The following NECTIN3 variants were observed in gnomAD, a reference collection of about 807,000 sequenced individuals.
NECTIN3 encodes the protein nectin-3.
Under a neutral mutation model 49.4 loss-of-function variants are expected in NECTIN3, and 8 were observed. That is an observed-to-expected ratio of 0.16 (90% CI 0.10 to 0.29). NECTIN3 has a LOEUF of 0.29. Ranked by LOEUF, NECTIN3 falls within the 10% of genes least tolerant of loss-of-function variation. The pLI, the probability that NECTIN3 is intolerant of heterozygous loss-of-function variation, is 1.00. For missense variants in NECTIN3, 581 were observed against 654.6 expected (o/e 0.89, Z 1.23); for synonymous variants, 277 against 241.1 (o/e 1.15, Z -1.38).
chr3:111,126,396 C>T (rs1224785430), intron 5 of NECTIN3, 61 bp downstream of exon 5: 3 of 1,332,572 alleles, frequency 2.3e-6, no homozygotes, highest in Admixed American at 4.1e-5. Context: ...ATCATAGTAA[C>T]AATATGATCC....
chr3:111,184,039 C>A (rs560687565), intron 7 of NECTIN3, among the ~76,000 whole-genome samples: 9 of 152,070 alleles, frequency 5.9e-5, no homozygotes, highest in Non-Finnish European at 1.2e-4. Context: ...ATTTTTTCAG[C>A]CTTTTTTCCC....
intron 1 of NECTIN3, chr3:111,072,667 A>C (rs1576056167): frequency 1.6e-6 from 2 of 1,260,956 alleles, no homozygotes. Context: ...ATTTTAGCCC[A>C]CCCAGCCGCA....
At position 111,111,885 on chromosome 3, in the gene NECTIN3, GTGTGTGTGTGTGCA is replaced by G. The variant is rs1297666362; in HGVS notation, c.161-132_161-119del. The stretch of plus-strand genomic sequence containing the variant: ...TTGTGTGTGGTGCGTGTGAGTGCAT[GTGTGTGTGTGTGCA>G]TGTGTGTGTGTGTGTGTGTGTGTGT... On this transcript the variant is annotated intron_variant, in intron 1 of 5. Coordinates refer to ENST00000485303, the MANE Select transcript of NECTIN3 (RefSeq NM_015480.3). 18 of 464,172 alleles carry G rather than the reference GTGTGTGTGTGTGCA, an allele frequency of 3.9e-5. No individual in the cohort carries two copies. In the African/African-American group the frequency reaches 4.0e-4, roughly 10 times the overall value. The allele number at this position is 464,172 out of a possible 1,614,324, so 28.8% of individuals were successfully genotyped here.
intron 7 of NECTIN3, among the ~76,000 whole-genome samples, chr3:111,162,018 C>T (rs2035222094): frequency 6.6e-6 from 1 of 152,134 alleles, no homozygotes; most frequent in Admixed American, 6.6e-5. Context: ...TGTATACACA[C>T]ATTTTAAGTC....
chr3:111,161,854 T>G (rs1167790841), intron 7 of NECTIN3, among the ~76,000 whole-genome samples: 1 of 152,170 alleles, frequency 6.6e-6, no homozygotes, highest in Non-Finnish European at 1.5e-5. Context: ...GCATTTGGAT[T>G]GTTTCTTCTA....
intron 1 of NECTIN3, among the ~76,000 whole-genome samples, chr3:111,091,542 C>G (rs2032273575): frequency 6.6e-6 from 1 of 152,224 alleles, no homozygotes; most frequent in African/African-American, 2.4e-5. Context: ...GCGTGAGCCA[C>G]TGCACCCGGC....
At chr3:111,173,588 CA>C (rs1304720558) in intron 7 of NECTIN3, among the ~76,000 whole-genome samples, 1 of 152,178 alleles carries the variant, frequency 6.6e-6, no homozygotes, top group African/African-American at 2.4e-5. Context: ...TTCCTTTCTT[CA>C]GTTGAGCTGG....
At chr3:111,084,130 T>TA (rs2031791485) in intron 1 of NECTIN3, among the ~76,000 whole-genome samples, 1 of 152,102 alleles carries the variant, frequency 6.6e-6, no homozygotes, top group Admixed American at 6.5e-5. Flanking sequence ...CACTTCTTTC[T>TA]ACTAAATAGG....
rs1431642918 is a variant in NECTIN3, at chr3:111,193,191, A to T, written c.63+778A>T. ...GCTCTGCTAATGTAAGCAATGTTTG[A>T]ATTTTTAGAATGGACTAAATAGCAG... On this transcript the variant is annotated intron_variant, in intron 1 of 1. Transcript: ENST00000485506. 4 of 1,533,786 alleles carry T rather than the reference A, an allele frequency of 2.6e-6. No homozygotes were observed. In the East Asian group the frequency reaches 9.8e-5, roughly 38 times the overall value.
upstream of NECTIN3, among the ~76,000 whole-genome samples, chr3:111,187,505 T>C (rs768143213): frequency 2.0e-5 from 3 of 152,192 alleles, no homozygotes; most frequent in Non-Finnish European, 4.4e-5. Context: ...CATACAAAAC[T>C]TGCACATGAA....
downstream of NECTIN3, among the ~76,000 whole-genome samples, chr3:111,138,907 G>A (rs1441711966): frequency 6.6e-6 from 1 of 151,602 alleles, no homozygotes; most frequent in African/African-American, 2.4e-5. Flanking sequence ...ATTGTAAAGT[G>A]ACAGTTCTAT....
intron 1 of NECTIN3, among the ~76,000 whole-genome samples, chr3:111,080,706 T>C (rs1291791062): frequency 2.6e-5 from 4 of 150,964 alleles, no homozygotes; most frequent in Non-Finnish European, 5.9e-5. Flanking sequence ...ACTTAGAGAT[T>C]TGAACAAGGG....
Position 111,071,961 on chromosome 3 carries a change from C to G in NECTIN3, c.-57C>G, listed in dbSNP as rs570693075. The G allele has an allele frequency of 9.0e-3, 10,958 of 1,222,470 alleles. 180 individuals carry two copies. The highest frequency in any genetic ancestry group is 0.068 in the African/African-American group (4,235 of 61,948). 75.7% of individuals were successfully genotyped at this position (1,222,470 alleles called of 1,614,324 possible). On this transcript the variant is annotated 5_prime_UTR_variant, in exon 1 of 6. Transcript: ENST00000485303. Reference sequence around the variant, plus strand: ...CAGCCTCCGCCCAGAGCCTGAGGCGCCGGGGCCGGGGGAGCCGGGGGGCGG... The same window carrying G: ...CAGCCTCCGCCCAGAGCCTGAGGCGGCGGGGCCGGGGGAGCCGGGGGGCGG...
chr3:111,075,497 C>G (rs1186268230), intron 1 of NECTIN3, among the ~76,000 whole-genome samples: 1 of 152,066 alleles, frequency 6.6e-6, no homozygotes, highest in Admixed American at 6.6e-5. Context: ...TAGAATAAAA[C>G]AATTAGAAGA....
In NECTIN3 at chr3:111,136,623, C is replaced by G. The variant is rs764638424; in HGVS notation, c.*2408C>G. ...ACATTGTTAAATTAGTTTTTGAATA[C>G]CAGTGATATTCATAACTACTTGACA... On this transcript the variant is annotated 3_prime_UTR_variant, in exon 6 of 6. Transcript: ENST00000485303. The G allele has an allele frequency of 3.0e-5, 27 of 910,600 alleles. No homozygotes were observed. Among genetic ancestry groups the G allele is most frequent in the East Asian group, 1.2e-4 (1 of 8,400 alleles). 56.4% of individuals were successfully genotyped at this position (910,600 alleles called of 1,614,324 possible).
At chr3:111,118,073 A>AG (rs1402085572) in intron 2 of NECTIN3, among the ~76,000 whole-genome samples, 1 of 151,778 alleles carries the variant, frequency 6.6e-6, no homozygotes, top group East Asian at 1.9e-4. Context: ...AAAGTTCAAA[A>AG]GGCAGTGTTT....
intron 1 of NECTIN3, among the ~76,000 whole-genome samples, chr3:111,094,406 T>C (rs2032466932): frequency 6.6e-6 from 1 of 152,230 alleles, no homozygotes. Context: ...TTTTTCATAT[T>C]GCTTTTTGCC....
At chr3:111,181,277 C>T (rs2035623004) in intron 7 of NECTIN3, among the ~76,000 whole-genome samples, 1 of 152,078 alleles carries the variant, frequency 6.6e-6, no homozygotes, top group East Asian at 1.9e-4. Flanking sequence ...TAAGATTCAC[C>T]CATGTTATTG....
chr3:111,120,484 A>T (rs1196881549), intron 3 of NECTIN3, among the ~76,000 whole-genome samples: 1 of 152,214 alleles, frequency 6.6e-6, no homozygotes. Flanking sequence ...CTAAACTCAC[A>T]GGTATCTGGA....
Sources: allele counts gnomAD v4.1 joint callset (sites outside exome capture counted in the v4.1 genomes callset), GRCh38; gene constraint gnomAD v4.1.1; transcripts MANE v1.5; gene names NCBI Gene and HGNC (gene_info 2026-07-23, HGNC 2026-07-21).